Variants in RGS6 observed in about 807,000 individuals in gnomAD.
The protein encoded by RGS6 is regulator of G-protein signaling 6.
In RGS6, 30 loss-of-function variants were observed where a neutral mutation model predicts 78.5. That is an observed-to-expected ratio of 0.38 (90% CI 0.29 to 0.52). RGS6 has a LOEUF of 0.52. RGS6 is among the 20% of genes least tolerant of loss of function. The pLI is 0.85. For missense variants in RGS6, 495 were observed against 609.7 expected (o/e 0.81, Z 1.98); for synonymous variants, 206 against 206.0 (o/e 1.00, Z 0.00).
intron 2 of RGS6, among the ~76,000 whole-genome samples, chr14:72,323,001 T>C (rs1332232466): frequency 6.6e-6 from 1 of 151,872 alleles, no homozygotes; most frequent in African/African-American, 2.4e-5. Flanking sequence ...GATACCTTAA[T>C]CAATAGCATT....
chr14:72,300,330 G>A (rs2065795862), intron 2 of RGS6, among the ~76,000 whole-genome samples: 1 of 152,176 alleles, frequency 6.6e-6, no homozygotes, highest in Admixed American at 6.5e-5. Flanking sequence ...AGGTGAAATA[G>A]ATTGCTGGTC....
At chr14:72,107,730 C>G (rs1054542721) in intron 2 of RGS6, among the ~76,000 whole-genome samples, 2 of 152,034 alleles carry the variant, frequency 1.3e-5, no homozygotes, top group Non-Finnish European at 2.9e-5. Context: ...AGGGTTTTAA[C>G]GTCTTCTGTA....
chr14:72,547,532 G>A (rs1362560889), intron 17 of RGS6, among the ~76,000 whole-genome samples: 1 of 152,194 alleles, frequency 6.6e-6, no homozygotes, highest in East Asian at 1.9e-4. Context: ...TCCATAGGTA[G>A]GAATAGCCTG....
At chr14:72,111,543 A>C (rs1414193709) in intron 2 of RGS6, among the ~76,000 whole-genome samples, 1 of 152,232 alleles carries the variant, frequency 6.6e-6, no homozygotes, top group Non-Finnish European at 1.5e-5. Context: ...TTATGTCTTC[A>C]AAATACGCTT....
intron 3 of RGS6, among the ~76,000 whole-genome samples, chr14:72,440,414 CT>C (rs60589205): frequency 0.13 from 17,081 of 131,808 alleles, 830 homozygotes; most frequent in Admixed American, 0.17. Flanking sequence ...ACCTACACTT[CT>C]TTTTTTTTTT....
chr14:72,385,715 G>A (rs2087753669), intron 3 of RGS6, among the ~76,000 whole-genome samples: 1 of 152,108 alleles, frequency 6.6e-6, no homozygotes, highest in South Asian at 2.1e-4. Flanking sequence ...AGCCCCCATG[G>A]GGGACACTGT....
chr14:72,139,249 C>T (rs1475705218), intron 2 of RGS6, among the ~76,000 whole-genome samples: 1 of 152,164 alleles, frequency 6.6e-6, no homozygotes, highest in African/African-American at 2.4e-5. Context: ...GACCTGCTGC[C>T]CAAGCCACCC....
At chr14:72,619,436 A>AACTTCTTGTAAATCCTGTTTCCTTTG in the RGS6 span, 269 of 1,483,894 alleles carry the variant, frequency 1.8e-4, no homozygotes, top group Admixed American at 2.6e-4. Flanking sequence ...CACTGGCCCT[A>AACTTCTTGTAAATCCTGTTTCCTTTG]ACTTCTTGTA....
chr14:72,114,395 T>G lies in RGS6; in HGVS notation c.84+149520T>G, dbSNP rs190498079. On this transcript the variant is annotated intron_variant, in intron 2 of 17. Transcript: ENST00000553525. ...CTAAGTCTTTACCTTCTGAAAGCCA[T>G]TCCTAGGACAATCATTAAAACCTAT... Among the ~76,000 whole-genome samples the G allele has an allele frequency of 1.2e-4, 19 of 152,344 alleles. No homozygotes were observed. In the East Asian group the frequency reaches 3.7e-3, roughly 29 times the overall value.
intron 2 of RGS6, among the ~76,000 whole-genome samples, chr14:72,256,775 G>A (rs150613834): frequency 1.3e-5 from 2 of 152,314 alleles, no homozygotes; most frequent in East Asian, 3.9e-4. Context: ...TTGCTGACTA[G>A]CTTTCTGTCA....
intron 2 of RGS6, among the ~76,000 whole-genome samples, chr14:72,088,619 TTC>T (rs2095147105): frequency 6.6e-6 from 1 of 152,102 alleles, no homozygotes; most frequent in Non-Finnish European, 1.5e-5. Flanking sequence ...CCCAGCCACT[TTC>T]TGTCCTCTGC....
chr14:72,315,367 TTTG>T lies in RGS6; in HGVS notation c.85-36723_85-36721del, dbSNP rs1185005570. Among the ~76,000 whole-genome samples, 8 of 152,332 alleles carry T rather than the reference TTTG, an allele frequency of 5.3e-5. No homozygotes were observed. In the East Asian group the frequency reaches 1.5e-3, roughly 29 times the overall value. ...GCTATGGGATATTGTGCAAAACTTT[TTTG>T]TTGTGTTTTCTTTAAATGCTCCGGG... On this transcript the variant is annotated intron_variant, in intron 2 of 17. Coordinates refer to ENST00000553525, the MANE Select transcript of RGS6 (RefSeq NM_001204424.2).
intron 2 of RGS6, among the ~76,000 whole-genome samples, chr14:72,001,959 G>T (rs951860718): frequency 1.6e-5 from 2 of 127,628 alleles, no homozygotes; most frequent in Non-Finnish European, 3.1e-5. Flanking sequence ...CTGGAATTCA[G>T]CAGTGCAATC....
At chr14:72,575,811 T>A in the RGS6 span, among the ~76,000 whole-genome samples, 1 of 152,236 alleles carries the variant, frequency 6.6e-6, no homozygotes, top group Admixed American at 6.5e-5. Flanking sequence ...TATGTGTCCA[T>A]TTAAAATAAA....
chr14:72,216,343 A>T (rs953407493), intron 2 of RGS6, among the ~76,000 whole-genome samples: 5 of 152,172 alleles, frequency 3.3e-5, no homozygotes, highest in African/African-American at 1.2e-4. Context: ...AAATGTAAAG[A>T]TGTCACGGGA....
intron 2 of RGS6, among the ~76,000 whole-genome samples, chr14:72,197,962 T>C (rs1328601562): frequency 2.6e-5 from 4 of 152,034 alleles, no homozygotes; most frequent in African/African-American, 9.7e-5. Context: ...TTTCATATTA[T>C]ATAATTTTTG....
intron 2 of RGS6, among the ~76,000 whole-genome samples, chr14:72,323,800 C>CAAAAAAAAAAAAAAA (rs58303649): frequency 2.4e-4 from 4 of 16,820 alleles, no homozygotes; most frequent in African/African-American, 2.2e-4. Flanking sequence ...GACTCCATCT[C>CAAAAAAAAAAAAAAA]AAAAAAAAAA....
intron 2 of RGS6, among the ~76,000 whole-genome samples, chr14:72,232,389 GCTCCTGC>G (rs2049872463): frequency 6.6e-6 from 1 of 152,172 alleles, no homozygotes; most frequent in Non-Finnish European, 1.5e-5. Context: ...GGTGCTTGAG[GCTCCTGC>G]CTCTGGGTCT....
At chr14:72,300,522 A>G (rs996036325) in intron 2 of RGS6, among the ~76,000 whole-genome samples, 44 of 152,304 alleles carry the variant, frequency 2.9e-4, no homozygotes, top group African/African-American at 9.9e-4. Context: ...GGGGAATATC[A>G]TGAGTTTTTG....
Sources: gnomAD v4.1 joint callset for allele counts (sites outside exome capture counted in the v4.1 genomes callset) on GRCh38, gnomAD v4.1.1 for gene constraint, MANE v1.5 for transcripts, NCBI Gene and HGNC (gene_info 2026-07-23, HGNC 2026-07-21) for gene names.